BBS9: variants seen among roughly 807,000 people sequenced by gnomAD.
The protein encoded by BBS9 is protein PTHB1.
BBS9 carries 89 observed loss-of-function variants against 117.7 expected under a neutral mutation model. The observed-to-expected ratio is 0.76, with a 90% CI of 0.64 to 0.90. The LOEUF (loss-of-function observed/expected upper bound fraction) is 0.90, where lower values mean the gene tolerates loss of function less well. BBS9 is among the 40% of genes least tolerant of loss of function. The probability of loss-of-function intolerance (pLI) is 0.00; values close to 1 mark genes in which losing one functional copy is unlikely to be tolerated. For missense variants in BBS9, 982 were observed against 1,042.2 expected, an observed-to-expected ratio of 0.94 and a Z score of 0.80; for synonymous variants, 379 against 370.9, an observed-to-expected ratio of 1.02 and a Z score of -0.25.
intron 2 of BBS9, among the ~76,000 whole-genome samples, chr7:33,152,384 G>T (rs978803624): frequency 6.6e-6 from 1 of 152,044 alleles, no homozygotes; most frequent in African/African-American, 2.4e-5. Flanking sequence ...TTACAACATT[G>T]TACTAGTCCT....
intron 5 of BBS9, among the ~76,000 whole-genome samples, chr7:33,179,993 T>C (rs574996232): frequency 4.6e-5 from 7 of 152,322 alleles, no homozygotes; most frequent in Admixed American, 1.3e-4. Context: ...TTTTAATCAG[T>C]AGTTCACATC....
At chr7:33,170,814 C>G (rs1796435381) in intron 4 of BBS9, among the ~76,000 whole-genome samples, 1 of 151,620 alleles carries the variant, frequency 6.6e-6, no homozygotes, top group Admixed American at 6.6e-5. Context: ...CAACAACAGA[C>G]AAACAGAGAG....
intron 21 of BBS9, among the ~76,000 whole-genome samples, chr7:33,565,402 C>T (rs1400165173): frequency 1.3e-5 from 2 of 152,054 alleles, no homozygotes; most frequent in African/African-American, 2.4e-5. Context: ...TAGGTGGTAA[C>T]TGTGTACTGG....
intron 16 of BBS9, among the ~76,000 whole-genome samples, chr7:33,367,358 C>T (rs1821974838): frequency 6.6e-6 from 1 of 152,062 alleles, no homozygotes; most frequent in Admixed American, 6.6e-5. Context: ...TACTCCATTG[C>T]AATTATTATT....
chr7:33,588,184 A>G (rs1263613822), intron 21 of BBS9, among the ~76,000 whole-genome samples: 1 of 152,126 alleles, frequency 6.6e-6, no homozygotes, highest in African/African-American at 2.4e-5. Context: ...TCAGTCTCAC[A>G]AATTCTCCAT....
At chr7:33,223,814 T>G (rs1166771225) in intron 5 of BBS9, among the ~76,000 whole-genome samples, 1 of 152,214 alleles carries the variant, frequency 6.6e-6, no homozygotes, top group Admixed American at 6.5e-5. Context: ...CTATTTAATA[T>G]TTATTATATT....
At chr7:33,538,790 G>A (rs753660539) in intron 21 of BBS9, among the ~76,000 whole-genome samples, 2 of 149,946 alleles carry the variant, frequency 1.3e-5, no homozygotes, top group Admixed American at 6.7e-5. Flanking sequence ...AAAAAAGGGA[G>A]TGAGTTCCAA....
chr7:33,577,347 A>G (rs1011899320), intron 21 of BBS9, among the ~76,000 whole-genome samples: 9 of 152,206 alleles, frequency 5.9e-5, no homozygotes, highest in Admixed American at 2.0e-4. Flanking sequence ...CAAAACCACA[A>G]TGATATACCA....
chr7:33,520,946 A>C lies in BBS9; in HGVS notation c.2299-13008A>C, dbSNP rs1012121195. ...AAGTGATGTAATTTACCACCACCAG[A>C]AACAGCTTTCCCCTGGATTTGCATT... On this transcript the variant is annotated intron_variant, in intron 20 of 22. Transcript: ENST00000242067. Among the ~76,000 whole-genome samples the C allele has an allele frequency of 2.6e-5, 4 of 152,320 alleles. No individual in the cohort carries two copies. The South Asian group carries it at 8.3e-4, about 32-fold the overall frequency.
chr7:33,336,568 G>T lies in BBS9; in HGVS notation c.1144G>T (p.Asp382Tyr), dbSNP rs745384211. The change falls in exon 10 of 23, where the codon GAT becomes TAT. Residue 382 changes from aspartate (D) to tyrosine (Y), a missense_variant. Transcript: ENST00000242067. ...QSRELNYDEL[D>Y]VEMKELQKII... ...TCGAGAACTAAACTATGATGAACTT[G>T]ATGTAGAAATGAAAGAACTTCAGAA... 6.2e-7 allele frequency: 1 copy of T among 1,613,056 alleles called. No homozygotes were observed. Among genetic ancestry groups the T allele is most frequent in the South Asian group, 1.1e-5 (1 of 90,964 alleles).
chr7:33,345,800 G>C (rs1252485111), intron 12 of BBS9, among the ~76,000 whole-genome samples: 1 of 152,148 alleles, frequency 6.6e-6, no homozygotes, highest in Non-Finnish European at 1.5e-5. Flanking sequence ...ATAACGTTCA[G>C]ACACATACAT....
chr7:33,385,184 C>T (rs1825792419), intron 18 of BBS9, among the ~76,000 whole-genome samples: 1 of 151,978 alleles, frequency 6.6e-6, no homozygotes. Context: ...ATAATTTTCC[C>T]TTTATACTTT....
At chr7:33,583,600 C>T (rs961403402) in intron 21 of BBS9, among the ~76,000 whole-genome samples, 2 of 152,002 alleles carry the variant, frequency 1.3e-5, no homozygotes, top group Non-Finnish European at 2.9e-5. Flanking sequence ...ACAGGAGATA[C>T]ACAAATAAAG....
chr7:33,578,448 C>T (rs867334106), intron 21 of BBS9, among the ~76,000 whole-genome samples: 6 of 152,330 alleles, frequency 3.9e-5, no homozygotes, highest in Middle Eastern at 3.4e-3. Context: ...ATGCCAGAGA[C>T]TGCTTCTTCT....
intron 19 of BBS9, chr7:33,390,306 A>G (rs765260250): frequency 8.1e-6 from 8 of 985,246 alleles, no homozygotes; most frequent in African/African-American, 1.7e-5. Context: ...CAGATTTTCT[A>G]TATAGTAAGA....
At chr7:33,145,171 T>C (rs4723255) in intron 1 of BBS9, among the ~76,000 whole-genome samples, 24,037 of 152,252 alleles carry the variant, frequency 0.16, 2,078 homozygotes, top group South Asian at 0.21. Context: ...TCATTGTTTA[T>C]GGCGGCCTTA....
intron 21 of BBS9, among the ~76,000 whole-genome samples, chr7:33,569,846 C>G (rs1371972569): frequency 6.6e-6 from 1 of 151,954 alleles, no homozygotes; most frequent in African/African-American, 2.4e-5. Context: ...CATGATATTC[C>G]CTAGCTCTGT....
intron 9 of BBS9, among the ~76,000 whole-genome samples, chr7:33,306,200 T>G (rs1311906150): frequency 1.3e-5 from 2 of 152,090 alleles, no homozygotes; most frequent in East Asian, 3.8e-4. Flanking sequence ...GTTTGTATAC[T>G]TTACAAAATT....
chr7:33,627,176 C>T (rs559704736), intron 21 of BBS9, among the ~76,000 whole-genome samples: 65 of 152,326 alleles, frequency 4.3e-4, no homozygotes, highest in African/African-American at 1.4e-3. Context: ...CCAGCCATTC[C>T]AGCCCCAGCT....
Sources: gnomAD v4.1 joint callset for allele counts (sites outside exome capture counted in the v4.1 genomes callset) on GRCh38, gnomAD v4.1.1 for gene constraint, MANE v1.5 for transcripts, NCBI Gene and HGNC (gene_info 2026-07-23, HGNC 2026-07-21) for gene names.